AFF1: variants seen among roughly 807,000 people sequenced by gnomAD.
AFF1 encodes the protein AF4/FMR2 family member 1.
A neutral mutation model predicts 121.7 loss-of-function variants in AFF1; 48 were observed. The ratio of observed to expected loss-of-function variants is 0.39; its 90% CI spans 0.31 to 0.50. The LOEUF is 0.50. Among genes scored for constraint, AFF1 ranks in the 20% least tolerant of loss-of-function variants. The probability of loss-of-function intolerance (pLI) is 0.76; values close to 1 mark genes in which losing one functional copy is unlikely to be tolerated. For missense variants in AFF1, 1,523 were observed against 1,511.7 expected (o/e 1.01, Z -0.12); for synonymous variants, 613 against 563.0 (o/e 1.09, Z -1.26).
At chr4:87,092,588 G>A (rs1279253587) in intron 7 of AFF1, among the ~76,000 whole-genome samples, 2 of 151,806 alleles carry the variant, frequency 1.3e-5, no homozygotes, top group Admixed American at 1.3e-4. Context: ...TGTAAATAAA[G>A]TTTTATTGGG....
chr4:87,106,100 A>G (rs902214930), intron 10 of AFF1, among the ~76,000 whole-genome samples: 2 of 152,228 alleles, frequency 1.3e-5, no homozygotes, highest in South Asian at 4.1e-4. Context: ...AAGAGTTTAC[A>G]GGCTGGGCGT....
At chr4:87,012,304 G>GA (rs1341580433) in intron 2 of AFF1, among the ~76,000 whole-genome samples, 4 of 143,308 alleles carry the variant, frequency 2.8e-5, no homozygotes, top group African/African-American at 1.0e-4. Context: ...TCGAACTCCT[G>GA]ACATCAGGTT....
intron 2 of AFF1, among the ~76,000 whole-genome samples, chr4:87,015,950 G>C (rs1216961488): frequency 6.6e-6 from 1 of 152,208 alleles, no homozygotes; most frequent in Non-Finnish European, 1.5e-5. Flanking sequence ...GGAGGCCCAG[G>C]CAGGCGGATC....
At chr4:87,041,105 G>A (rs1578128078) in intron 2 of AFF1, among the ~76,000 whole-genome samples, 1 of 151,382 alleles carries the variant, frequency 6.6e-6, no homozygotes, top group Non-Finnish European at 1.5e-5. Context: ...TCGAACTCCT[G>A]ACCTCAAGTG....
At position 87,062,772 on chromosome 4, in the gene AFF1, G is replaced by T. The variant is rs144883626; in HGVS notation, c.1059+15178G>T. On this transcript the variant is annotated intron_variant, in intron 4 of 20. Transcript: ENST00000395146. ...TCATGTGTTCTGTAGGGTACAGGTG[G>T]GTACTTATTTATAACTAGTGGTGAA... Among the ~76,000 whole-genome samples the T allele has an allele frequency of 3.3e-3, 501 of 152,194 alleles. 4 individuals carry two copies. The highest frequency in any genetic ancestry group is 0.011 in the African/African-American group (472 of 41,512).
At position 87,108,408 on chromosome 4, in the gene AFF1, G is replaced by C. The variant is rs150132845; in HGVS notation, c.1533+93G>C. The C allele has an allele frequency of 2.9e-6, 4 of 1,386,948 alleles. No individual in the cohort carries two copies. The African/African-American group carries it at 5.7e-5, about 20-fold the overall frequency. The allele number at this position is 1,386,948 out of a possible 1,614,324, so 85.9% of individuals were successfully genotyped here. On this transcript the variant is annotated intron_variant, in intron 11 of 20. Coordinates refer to ENST00000395146, the MANE Select transcript of AFF1 (RefSeq NM_001166693.3). The stretch of plus-strand genomic sequence containing the variant: ...TGCTGTGGGCCAGGACTGACCATGA[G>C]ACTGAGTCATTCTGTCCCATGGGGC...
intron 1 of AFF1, among the ~76,000 whole-genome samples, chr4:86,942,862 A>T (rs1449039682): frequency 6.6e-6 from 1 of 152,248 alleles, no homozygotes; most frequent in East Asian, 1.9e-4. Flanking sequence ...GCCTCATTGC[A>T]TAGCTAACAG....
rs61071328 is a variant in AFF1, at chr4:87,013,032, CTTTTTTTTTTT to C, written c.39-33118_39-33108del. Among the ~76,000 whole-genome samples the C allele has an allele frequency of 9.4e-4, 88 of 93,486 alleles. 2 individuals carry two copies. Among genetic ancestry groups the C allele is most frequent in the African/African-American group, 3.2e-3 (74 of 23,262 alleles). The allele number at this position is 93,486 out of a possible 152,430, so 61.3% of individuals were successfully genotyped here. ...AACCAGATTGAACTGCTATCAAGTT[CTTTTTTTTTTT>C]TTTTTTTTTTTTTTTGGGAGACGGA... On this transcript the variant is annotated intron_variant, in intron 2 of 20. Coordinates refer to ENST00000395146, the MANE Select transcript of AFF1 (RefSeq NM_001166693.3).
intron 2 of AFF1, among the ~76,000 whole-genome samples, chr4:86,982,364 C>T (rs546675225): frequency 8.6e-5 from 12 of 140,036 alleles, no homozygotes; most frequent in East Asian, 2.1e-4. Flanking sequence ...AGAAGGCAAG[C>T]GCTGTTCAAA....
chr4:87,000,107 T>C (rs952074310), intron 2 of AFF1, among the ~76,000 whole-genome samples: 20 of 152,072 alleles, frequency 1.3e-4, no homozygotes, highest in Non-Finnish European at 2.6e-4. Flanking sequence ...TCAAAGGAAA[T>C]ACCTGTGAGA....
At position 87,012,217 on chromosome 4, in the gene AFF1, C is replaced by CTTTTTTTTTTTTTTTTT. The variant is rs68156863; in HGVS notation, c.39-33947_39-33946insTTTTTTTTTTTTTTTTT. Among the ~76,000 whole-genome samples the CTTTTTTTTTTTTTTTTT allele has an allele frequency of 1.7e-5, 2 of 115,100 alleles. 1 individual carries two copies. 75.5% of individuals were successfully genotyped at this position (115,100 alleles called of 152,430 possible). A position where few individuals can be genotyped will look rare whatever the true frequency, so the allele number is the denominator to read the frequency against. On this transcript the variant is annotated intron_variant, in intron 2 of 20. Transcript: ENST00000395146. ...GTTAGCAAACTTCTCCATTTCATTT[C>CTTTTTTTTTTTTTTTTT]TTGTTTTTTTTTTTTTTTGTATAAC...
At chr4:86,988,770 C>T (rs1266439215) in intron 2 of AFF1, among the ~76,000 whole-genome samples, 2 of 152,174 alleles carry the variant, frequency 1.3e-5, no homozygotes, top group African/African-American at 4.8e-5. Context: ...CTGGAGGCAT[C>T]ATGCTGACTT....
At chr4:87,075,751 C>T (rs1722600588) in intron 4 of AFF1, among the ~76,000 whole-genome samples, 1 of 152,174 alleles carries the variant, frequency 6.6e-6, no homozygotes, top group Non-Finnish European at 1.5e-5. Flanking sequence ...AATTTGAAGA[C>T]TTCTGCATCT....
intron 2 of AFF1, among the ~76,000 whole-genome samples, chr4:87,022,543 G>GAC (rs1728014736): frequency 1.2e-5 from 1 of 80,172 alleles, no homozygotes; most frequent in Admixed American, 1.5e-4. Context: ...CGTGCTTACA[G>GAC]ATATATATAT....
At position 87,046,228 on chromosome 4, in the gene AFF1, C is replaced by T. The variant is rs772752086; in HGVS notation, c.101C>T (p.Ala34Val). The T allele has an allele frequency of 1.2e-6, 2 of 1,613,936 alleles. No individual in the cohort carries two copies. Among genetic ancestry groups the T allele is most frequent in the Non-Finnish European group, 1.7e-6 (2 of 1,179,966 alleles). ...IREKERRNQE[A>V]HQEKEAFPEK... Reference sequence around the variant, plus strand: ...GAGAAGGAAAGACGCAACCAGGAAGCCCACCAAGAGAAAGAGGCATTTCCT... The same window carrying T: ...GAGAAGGAAAGACGCAACCAGGAAGTCCACCAAGAGAAAGAGGCATTTCCT... The change falls in exon 3 of 21, where the codon GCC becomes GTC. Residue 34 changes from alanine (A) to valine (V), a missense_variant. Physicochemically the swap from Ala to Val is moderately conservative, Grantham distance 64. Transcript: ENST00000395146.
intron 2 of AFF1, among the ~76,000 whole-genome samples, chr4:87,012,256 G>A (rs116391675): frequency 0.23 from 5,988 of 26,544 alleles, 435 homozygotes; most frequent in African/African-American, 0.3. Context: ...ACATATTTTA[G>A]TAGAGATGGG....
Position 87,022,931 on chromosome 4 carries a change from G to T in AFF1, c.39-23235G>T, listed in dbSNP as rs142779621. Among the ~76,000 whole-genome samples, 620 of 151,904 alleles carry T rather than the reference G, an allele frequency of 4.1e-3. 3 individuals carry two copies. Among genetic ancestry groups the T allele is most frequent in the African/African-American group, 0.014 (590 of 41,442 alleles). On this transcript the variant is annotated intron_variant, in intron 2 of 20. Transcript: ENST00000395146. ...TTAATTTATTTATTTAATATAGATG[G>T]AGTCTCTGTTGCCCAGACTGGAGTG...
intron 1 of AFF1, among the ~76,000 whole-genome samples, chr4:86,944,238 A>G (rs1720680816): frequency 6.6e-6 from 1 of 151,832 alleles, no homozygotes; most frequent in African/African-American, 2.4e-5. Context: ...AACCACTATC[A>G]TTTATTGAAT....
rs200166592 is a variant in AFF1 at position 87,048,995 on chromosome 4, CT to C, written c.1059+1402del. Among the ~76,000 whole-genome samples the C allele has an allele frequency of 9.1e-3, 1,371 of 151,194 alleles. 9 individuals are homozygous for C. Among genetic ancestry groups the C allele is most frequent in the Non-Finnish European group, 0.014 (980 of 67,928 alleles). ...TCCCTCCTCAAAACAGTCACTCCCC[CT>C]GCCTTCTAATTCAGGCAATAAAGAA... On this transcript the variant is annotated intron_variant, in intron 4 of 20. Coordinates refer to ENST00000395146, the MANE Select transcript of AFF1 (RefSeq NM_001166693.3).
Sources: allele counts gnomAD v4.1 joint callset (sites outside exome capture counted in the v4.1 genomes callset), GRCh38; gene constraint gnomAD v4.1.1; transcripts MANE v1.5; gene names NCBI Gene and HGNC (gene_info 2026-07-23, HGNC 2026-07-21).